PIEZO1: variants seen among roughly 807,000 people sequenced by gnomAD.
The protein encoded by PIEZO1 is piezo type mechanosensitive ion channel component 1 (Er blood group).
PIEZO1 carries 296 observed loss-of-function variants against 297.2 expected under a neutral mutation model. The observed-to-expected ratio is 1.00, with a 90% confidence interval of 0.91 to 1.10. The LOEUF is 1.10. Ranked by LOEUF, PIEZO1 falls within the 50% of genes least tolerant of loss-of-function variation. PIEZO1 has a pLI of 0.00. For synonymous variants in PIEZO1, 2,427 were observed against 1,507.5 expected (o/e 1.61, Z -14.13); for missense variants, 5,018 against 3,455.5 (o/e 1.45, Z -11.34).
rs1463115542 is a variant in PIEZO1, at chr16:88,732,045, CG to C, written c.2992-136del. The C allele has an allele frequency of 5.7e-5, 9 of 158,554 alleles. No homozygotes were observed. In the South Asian group the frequency reaches 7.0e-4, roughly 12 times the overall value. 9.8% of individuals were successfully genotyped at this position (158,554 alleles called of 1,614,324 possible). On this transcript the variant is annotated intron_variant, in intron 21 of 50. Transcript: ENST00000301015. ...GGGCATCAAGCAAGGACAGGGCCAG[CG>C]GCGCTGTCAAGAGGGCAGGAGTGGC...
intron 2 of PIEZO1, among the ~76,000 whole-genome samples, chr16:88,747,208 G>T (rs1450810401): frequency 6.7e-6 from 1 of 149,588 alleles, no homozygotes; most frequent in Non-Finnish European, 1.5e-5. Context: ...TCCAGCCTGG[G>T]CAACCAAGCA....
chr16:88,773,967 C>T (rs80281153), intron 1 of PIEZO1, among the ~76,000 whole-genome samples: 2,543 of 152,288 alleles, frequency 0.017, 27 homozygotes, highest in Non-Finnish European at 0.029. Context: ...CCTTCAGCAC[C>T]GCAAGCCTCC....
At chr16:88,763,890 G>C (rs1907039987) in intron 1 of PIEZO1, among the ~76,000 whole-genome samples, 1 of 152,240 alleles carries the variant, frequency 6.6e-6, no homozygotes, top group Non-Finnish European at 1.5e-5. Flanking sequence ...GGCTCTGTGA[G>C]GCCGTCACAG....
At chr16:88,754,085 A>G (rs971330214) in intron 1 of PIEZO1, among the ~76,000 whole-genome samples, 7 of 152,172 alleles carry the variant, frequency 4.6e-5, no homozygotes, top group African/African-American at 1.7e-4. Context: ...TGTGGTTCCC[A>G]ACCCCCAACC....
At position 88,731,686 on chromosome 16, in the gene PIEZO1, C is replaced by G; in HGVS notation, c.3196+20G>C. The G allele has an allele frequency of 6.5e-7, 1 of 1,545,576 alleles. No individual in the cohort carries two copies. The highest frequency in any genetic ancestry group is 8.7e-7 in the Non-Finnish European group (1 of 1,143,838). On this transcript the variant is annotated intron_variant, in intron 22 of 50. Transcript: ENST00000301015. ...ACAAAGCCACAAAGCCCACTCCCAC[C>G]CAAGCCACGTGCCCCTCACCAATGC...
chr16:88,739,965 G>A (rs1204604315), intron 5 of PIEZO1: 1 of 152,146 alleles, frequency 6.6e-6, no homozygotes, highest in Non-Finnish European at 1.5e-5. Context: ...GGCCACCGAG[G>A]GGCAGGCCCG....
chr16:88,775,741 AAAAG>A (rs1907630976), intron 1 of PIEZO1, among the ~76,000 whole-genome samples: 2 of 151,532 alleles, frequency 1.3e-5, no homozygotes, highest in African/African-American at 4.8e-5. Flanking sequence ...AAAAAAAAAA[AAAAG>A]AAAAGAAAAA....
intron 30 of PIEZO1, 87 bp downstream of exon 30, chr16:88,724,922 G>C: frequency 1.2e-6 from 1 of 843,784 alleles, no homozygotes; most frequent in Non-Finnish European, 1.7e-6. Context: ...TCGGGGGAAG[G>C]GAGGGGAAGA....
Position 88,724,994 on chromosome 16 carries a change from C to A in PIEZO1, c.4234+15G>T, listed in dbSNP as rs1281505867. ...GGCCTGAGAGGGTGGCCACAGGCGGCCTAATTGGGGGTACCTGTGGCGTGG... is the reference window on the plus strand; with the variant it reads ...GGCCTGAGAGGGTGGCCACAGGCGGACTAATTGGGGGTACCTGTGGCGTGG... On this transcript the variant is annotated intron_variant, in intron 30 of 50. Transcript: ENST00000301015. 2.7e-5 allele frequency: 39 copies of A among 1,451,090 alleles called. No homozygotes were observed. The highest frequency in any genetic ancestry group is 3.4e-5 in the Non-Finnish European group (37 of 1,099,098). The allele number at this position is 1,451,090 out of a possible 1,614,324, so 89.9% of individuals were successfully genotyped here.
chr16:88,738,626 GGCCGTGACTCGGAAACGAGCGGCCA>G lies in PIEZO1; in HGVS notation c.551_575del (p.Leu184ProfsTer14), dbSNP rs1475582880. ...GCCCAGCCGCCACCAGCAGCCAGTG[GGCCGTGACTCGGAAACGAGCGGCCA>G]GCCGTGACCTCCGTGTAGGGGCCAG... is the stretch of plus-strand genomic sequence containing the variant. On this transcript the variant is annotated frameshift_variant, in exon 6 of 51. Coordinates refer to ENST00000301015, the MANE Select transcript of PIEZO1 (RefSeq NM_001142864.4). LOFTEE classifies it high-confidence loss of function. 9 of 1,535,694 alleles carry G rather than the reference GGCCGTGACTCGGAAACGAGCGGCCA, an allele frequency of 5.9e-6. No homozygotes were observed. The highest frequency in any genetic ancestry group is 2.4e-5 in the East Asian group (1 of 40,920).
At chr16:88,730,998 C>T (rs1218637425) in intron 22 of PIEZO1, among the ~76,000 whole-genome samples, 2 of 151,424 alleles carry the variant, frequency 1.3e-5, no homozygotes, top group Non-Finnish European at 2.9e-5. Flanking sequence ...GCCCCTGAGC[C>T]GGCCACGTGC....
At chr16:88,759,830 G>A (rs1906844850) in intron 1 of PIEZO1, among the ~76,000 whole-genome samples, 1 of 152,190 alleles carries the variant, frequency 6.6e-6, no homozygotes, top group African/African-American at 2.4e-5. Flanking sequence ...GGGCTGCATG[G>A]CCTACCACCC....
chr16:88,720,667 C>T lies in PIEZO1; in HGVS notation c.5750G>A (p.Gly1917Glu), dbSNP rs1246060286. The T allele has an allele frequency of 6.5e-7, 1 of 1,548,246 alleles. No individual in the cohort carries two copies. The highest frequency in any genetic ancestry group is 1.4e-5 in the African/African-American group (1 of 72,976). Residue 1917 changes from glycine to glutamate, a missense_variant, in exon 40 of 51, where the codon GGA (glycine) becomes GAA (glutamate). By Grantham distance (98) the Gly-to-Glu change is moderately conservative. Transcript: ENST00000301015. ...TGREKRPSRS[G>E]GRVRAAGRRL... ...CCGCCCGGCCGCCCTTACTCTTCCT[C>T]CAGAGCGGCTTGGCCTCTTCTCTCT...
chr16:88,720,447 G>A lies in PIEZO1; in HGVS notation c.5887C>T (p.Leu1963Phe). Reference sequence around the variant, plus strand: ...TCGACAACATCAGCCAGGAACATGAGGGCATAGACGTCGGTGGCTGCGCGG... The same window carrying A: ...TCGACAACATCAGCCAGGAACATGAAGGCATAGACGTCGGTGGCTGCGCGG... ...KYRAATDVYA[L>F]MFLADVVDFI... The change falls in exon 41 of 51, where the codon CTC becomes TTC. Residue 1963 changes from leucine (L) to phenylalanine (F), a missense_variant. Transcript: ENST00000301015. The A allele has an allele frequency of 6.4e-7, 1 of 1,550,452 alleles. No homozygotes were observed. Among genetic ancestry groups the A allele is most frequent in the Non-Finnish European group, 8.7e-7 (1 of 1,146,956 alleles).
Position 88,721,354 on chromosome 16 carries a change from G to A in PIEZO1, c.5480C>T (p.Ala1827Val), listed in dbSNP as rs1384676095. The change falls in exon 39 of 51, where the codon GCC becomes GTC. Residue 1827 changes from alanine to valine, a missense_variant. By Grantham distance (64) the Ala-to-Val change is moderately conservative. Coordinates refer to ENST00000301015, the MANE Select transcript of PIEZO1 (RefSeq NM_001142864.4). ...HDKSGEEEQG[A>V]EEGPGVPAAT... Reference sequence around the variant, plus strand: ...CGCAGGCACCCCTGGCCCCTCCTCGGCTCCCTGCTCCTCCTCGCCGCTCTT... The same window carrying A: ...CGCAGGCACCCCTGGCCCCTCCTCGACTCCCTGCTCCTCCTCGCCGCTCTT... The A allele has an allele frequency of 3.2e-6, 5 of 1,548,900 alleles. No individual in the cohort carries two copies. The East Asian group carries it at 7.3e-5, about 23-fold the overall frequency.
At chr16:88,756,523 G>A (rs1567686937) in intron 1 of PIEZO1, among the ~76,000 whole-genome samples, 3 of 152,198 alleles carry the variant, frequency 2.0e-5, no homozygotes, top group Non-Finnish European at 2.9e-5. Flanking sequence ...GGAGGCCGAG[G>A]CGGGAAGATG....
Position 88,772,733 on chromosome 16 carries a change from C to G in PIEZO1, c.64+12168G>C, listed in dbSNP as rs191776697. 8.1e-5 allele frequency among the ~76,000 whole-genome samples: 12 copies of G among 147,914 alleles called. No individual in the cohort carries two copies. The East Asian group carries it at 2.2e-3, about 28-fold the overall frequency. On this transcript the variant is annotated intron_variant, in intron 1 of 50. Transcript: ENST00000301015. ...GGCGAAGGTGGCAGTGAGCTGAGAT[C>G]GTGCCACTGCATTCCAGCCTGGCCA...
intron 1 of PIEZO1, among the ~76,000 whole-genome samples, chr16:88,765,108 A>ACCCAGC (rs1471688692): frequency 6.6e-6 from 1 of 152,182 alleles, no homozygotes; most frequent in Non-Finnish European, 1.5e-5. Context: ...ACCCAGCGGC[A>ACCCAGC]CCCAGCCCCC....
chr16:88,722,798 G>C (rs937952086), intron 34 of PIEZO1, 39 bp downstream of exon 34: 2 of 1,536,086 alleles, frequency 1.3e-6, no homozygotes, highest in Non-Finnish European at 1.7e-6. Flanking sequence ...GGCGTAGTCA[G>C]GCAGAGCAGG....
Sources: gnomAD v4.1 joint callset for allele counts (sites outside exome capture counted in the v4.1 genomes callset) on GRCh38, gnomAD v4.1.1 for gene constraint, MANE v1.5 for transcripts, NCBI Gene and HGNC (gene_info 2026-07-23, HGNC 2026-07-21) for gene names.